Variants in AGPAT4 observed in about 807,000 individuals in gnomAD.
AGPAT4 encodes the protein 1-acylglycerol-3-phosphate O-acyltransferase 4.
A neutral mutation model predicts 48.0 loss-of-function variants in AGPAT4; 15 were observed. That is an observed-to-expected ratio of 0.31 (90% CI 0.21 to 0.48). The LOEUF (loss-of-function observed/expected upper bound fraction) is 0.48, where lower values mean the gene tolerates loss of function less well. Among genes scored for constraint, AGPAT4 ranks in the 20% least tolerant of loss-of-function variants. The probability of loss-of-function intolerance (pLI) is 0.99; values close to 1 mark genes in which losing one functional copy is unlikely to be tolerated. For missense variants in AGPAT4, 314 were observed against 482.5 expected (o/e 0.65, Z 3.27); for synonymous variants, 178 against 198.7 (o/e 0.90, Z 0.88).
intron 1 of AGPAT4, among the ~76,000 whole-genome samples, chr6:161,237,084 T>C (rs2115040292): frequency 1.3e-5 from 2 of 152,326 alleles, no homozygotes; most frequent in African/African-American, 4.8e-5. Flanking sequence ...TATTGGAATT[T>C]TCCAGAAGGC....
At position 161,176,967 on chromosome 6, in the gene AGPAT4, G is replaced by C. The variant is rs932602305; in HGVS notation, c.179-10550C>G. 2.0e-5 allele frequency among the ~76,000 whole-genome samples: 3 copies of C among 152,180 alleles called. No individual in the cohort carries two copies. In the South Asian group the frequency reaches 6.2e-4, roughly 32 times the overall value. On this transcript the variant is annotated intron_variant, in intron 2 of 8. Coordinates refer to ENST00000320285, the MANE Select transcript of AGPAT4 (RefSeq NM_020133.3). ...TTTTCTTTAAGAATGTTCAATATTG[G>C]CCCCCACTCTCTTCTGGCGTGTAGA...
intron 2 of AGPAT4, among the ~76,000 whole-genome samples, chr6:161,191,028 C>T (rs368963756): frequency 6.6e-6 from 1 of 152,150 alleles, no homozygotes; most frequent in Admixed American, 6.5e-5. Flanking sequence ...TCCTCAGCAC[C>T]CCTGCTTTGG....
rs980193114 is a variant in AGPAT4, at chr6:161,198,029, C to T, written c.179-31612G>A. Among the ~76,000 whole-genome samples, 2 of 152,106 alleles carry T rather than the reference C, an allele frequency of 1.3e-5. No individual in the cohort carries two copies. The highest frequency in any genetic ancestry group is 2.9e-5 in the Non-Finnish European group (2 of 68,014). ...CTGTTTCCCCCAACTCTTCTTCAGT[C>T]TCTCATACTTCATTCTTCCCACTCT... On this transcript the variant is annotated intron_variant, in intron 2 of 8. Transcript: ENST00000320285. The surrounding 1 kb of genome is among the most constrained non-coding windows in gnomAD (Gnocchi z 4.3).
At position 161,184,448 on chromosome 6, in the gene AGPAT4, T is replaced by C. The variant is rs990250194; in HGVS notation, c.179-18031A>G. Among the ~76,000 whole-genome samples, 3 of 151,438 alleles carry C rather than the reference T, an allele frequency of 2.0e-5. No individual in the cohort carries two copies. Among genetic ancestry groups the C allele is most frequent in the African/African-American group, 7.3e-5 (3 of 41,188 alleles). On this transcript the variant is annotated intron_variant, in intron 2 of 8. Transcript: ENST00000320285. The surrounding 1 kb of genome is among the most constrained non-coding windows in gnomAD (Gnocchi z 4.8). ...GGAGAGGAAGGTGTGTGGAGGGAGA[T>C]AGAGGGGCAGGTGATGGAGGAGTCT...
rs966005197 is a variant in AGPAT4, at chr6:161,217,486, C to G, written c.178+14550G>C. ...CCAAGCCCAAAAGACATGCTTCTCC[C>G]TGTGTGTCCCTGGGGGAGTCCATCA... On this transcript the variant is annotated intron_variant, in intron 2 of 8. Coordinates refer to ENST00000320285, the MANE Select transcript of AGPAT4 (RefSeq NM_020133.3). The surrounding 1 kb of genome is among the most constrained non-coding windows in gnomAD (Gnocchi z 4.9). Among the ~76,000 whole-genome samples the G allele has an allele frequency of 6.6e-6, 1 of 152,210 alleles. No individual in the cohort carries two copies. Among genetic ancestry groups the G allele is most frequent in the Admixed American group, 6.5e-5 (1 of 15,284 alleles).
intron 2 of AGPAT4, among the ~76,000 whole-genome samples, chr6:161,224,699 A>G (rs1163480263): frequency 6.6e-6 from 1 of 151,886 alleles, no homozygotes; most frequent in Non-Finnish European, 1.5e-5. Context: ...AGGGCAGGAC[A>G]GTAGCTGCCT....
At chr6:161,160,159 A>G (rs2114973079) in intron 3 of AGPAT4, 1 of 137,684 alleles carries the variant, frequency 7.3e-6, no homozygotes, top group South Asian at 2.3e-4. Flanking sequence ...ACGAGGTTTC[A>G]ACATGTTGGC....
Position 161,144,196 on chromosome 6 carries a change from G to C in AGPAT4, c.843+2328C>G, listed in dbSNP as rs775662452. Reference sequence around the variant, plus strand: ...TTGCTGCTCAGCGATCTTCTCGGAAGGGCAAAGGGCCAGCCTCCCAGGCCT... The same window carrying C: ...TTGCTGCTCAGCGATCTTCTCGGAACGGCAAAGGGCCAGCCTCCCAGGCCT... On this transcript the variant is annotated intron_variant, in intron 7 of 8. Coordinates refer to ENST00000320285, the MANE Select transcript of AGPAT4 (RefSeq NM_020133.3). The surrounding 1 kb of genome is among the most constrained non-coding windows in gnomAD (Gnocchi z 6.6). 1.9e-6 allele frequency: 1 copy of C among 533,160 alleles called. No individual in the cohort carries two copies. The highest frequency in any genetic ancestry group is 3.8e-6 in the Non-Finnish European group (1 of 259,914). The allele number at this position is 533,160 out of a possible 1,614,324, so 33.0% of individuals were successfully genotyped here.
chr6:161,230,705 T>C (rs111814952), intron 2 of AGPAT4, among the ~76,000 whole-genome samples: 11 of 152,224 alleles, frequency 7.2e-5, no homozygotes, highest in African/African-American at 2.4e-4. Flanking sequence ...TTGTATCATA[T>C]TGGATTGAAT....
chr6:161,150,242 C>T (rs561724420), intron 5 of AGPAT4, among the ~76,000 whole-genome samples: 2 of 152,276 alleles, frequency 1.3e-5, no homozygotes, highest in Non-Finnish European at 2.9e-5. Flanking sequence ...GAGCACCAGA[C>T]GGTAGGAGGA....
At chr6:161,162,821 C>T (rs1024364618) in intron 3 of AGPAT4, among the ~76,000 whole-genome samples, 1 of 152,238 alleles carries the variant, frequency 6.6e-6, no homozygotes, top group Non-Finnish European at 1.5e-5. Flanking sequence ...CGATCATGCT[C>T]TTATGCAACC....
chr6:161,166,010 G>C lies in AGPAT4; in HGVS notation c.348+238C>G, dbSNP rs371046846. 3.4e-5 allele frequency: 21 copies of C among 623,034 alleles called. 1 individual carries two copies. The African/African-American group carries it at 3.9e-4, about 11-fold the overall frequency. The allele number at this position is 623,034 out of a possible 1,614,324, so 38.6% of individuals were successfully genotyped here. A position where few individuals can be genotyped will look rare whatever the true frequency, so the allele number is the denominator to read the frequency against. On this transcript the variant is annotated intron_variant, in intron 3 of 8. Transcript: ENST00000320285. This position sits in a 1 kb window ranked among gnomAD's most constrained non-coding sequence, Gnocchi z 6.7. Reference sequence around the variant, plus strand: ...ATGTTGCTGTAAGGATTAAATAAATGAATCATATGTAAAATGGCCGGCAGG... The same window carrying C: ...ATGTTGCTGTAAGGATTAAATAAATCAATCATATGTAAAATGGCCGGCAGG...
At chr6:161,263,263 G>T (rs1327843985) in intron 1 of AGPAT4, among the ~76,000 whole-genome samples, 2 of 152,156 alleles carry the variant, frequency 1.3e-5, no homozygotes, top group African/African-American at 2.4e-5. Context: ...CAAACAACAG[G>T]CTGGGCGCAG....
In AGPAT4 at chr6:161,154,051, G is replaced by A. The variant is rs1230399977; in HGVS notation, c.510+98C>T. 1.3e-6 allele frequency: 2 copies of A among 1,516,660 alleles called. No homozygotes were observed. 94.0% of individuals were successfully genotyped at this position (1,516,660 alleles called of 1,614,324 possible). On this transcript the variant is annotated intron_variant, in intron 4 of 8. Transcript: ENST00000320285. This position sits in a 1 kb window ranked among gnomAD's most constrained non-coding sequence, Gnocchi z 7.8. ...CACACACAGCCCTGGAGTCGCACAG[G>A]ACCACACAGTCACGTGTCCTGTGGA...
Position 161,214,803 on chromosome 6 carries a change from T to C in AGPAT4, c.178+17233A>G, listed in dbSNP as rs1781600823. Among the ~76,000 whole-genome samples, 1 of 152,004 alleles carries C rather than the reference T, an allele frequency of 6.6e-6. No individual in the cohort carries two copies. On this transcript the variant is annotated intron_variant, in intron 2 of 8. Transcript: ENST00000320285. The surrounding 1 kb of genome is among the most constrained non-coding windows in gnomAD (Gnocchi z 5.4). ...AAATAAATAAATAATAAAATAAACA[T>C]AGAAAAGGCACAGCAAAAATACTGT...
At position 161,240,428 on chromosome 6, in the gene AGPAT4, A is replaced by C. The variant is rs1227494358; in HGVS notation, c.-89-8126T>G. On this transcript the variant is annotated intron_variant, in intron 1 of 8. Transcript: ENST00000320285. This position sits in a 1 kb window ranked among gnomAD's most constrained non-coding sequence, Gnocchi z 5.5. The stretch of plus-strand genomic sequence containing the variant: ...CAAGCTTTTTCCTCTATGCCACTGC[A>C]CTCTTCCTGAACAGTGATTAAGCGA... Among the ~76,000 whole-genome samples, 4 of 152,080 alleles carry C rather than the reference A, an allele frequency of 2.6e-5. No individual in the cohort carries two copies.
At chr6:161,239,151 C>T (rs759272984) in intron 1 of AGPAT4, among the ~76,000 whole-genome samples, 3 of 152,258 alleles carry the variant, frequency 2.0e-5, no homozygotes, top group East Asian at 3.9e-4. Context: ...TCCAGCACAG[C>T]GTTTGGTCGA....
At position 161,155,764 on chromosome 6, in the gene AGPAT4, G is replaced by A. The variant is rs556002872; in HGVS notation, c.349-1454C>T. The stretch of plus-strand genomic sequence containing the variant: ...CGTGGGTGGGTGAACCCACTGGTGC[G>A]GGTGTGAGGGCTTACCGTGTGCTGT... On this transcript the variant is annotated intron_variant, in intron 3 of 8. Coordinates refer to ENST00000320285, the MANE Select transcript of AGPAT4 (RefSeq NM_020133.3). This position sits in a 1 kb window ranked among gnomAD's most constrained non-coding sequence, Gnocchi z 5.8. Among the ~76,000 whole-genome samples the A allele has an allele frequency of 5.9e-5, 9 of 152,342 alleles. No individual in the cohort carries two copies. Among genetic ancestry groups the A allele is most frequent in the Non-Finnish European group, 1.0e-4 (7 of 68,022 alleles).
At position 161,229,875 on chromosome 6, in the gene AGPAT4, G is replaced by A. The variant is rs1054809389; in HGVS notation, c.178+2161C>T. Among the ~76,000 whole-genome samples, 2 of 152,148 alleles carry A rather than the reference G, an allele frequency of 1.3e-5. No homozygotes were observed. The highest frequency in any genetic ancestry group is 1.3e-4 in the Admixed American group (2 of 15,280). Reference sequence around the variant, plus strand: ...TGCTGGGGTGCATCTGGATGGAGGTGCTTCCTCTGGGGAAGAAGGCACAGA... The same window carrying A: ...TGCTGGGGTGCATCTGGATGGAGGTACTTCCTCTGGGGAAGAAGGCACAGA... On this transcript the variant is annotated intron_variant, in intron 2 of 8. Transcript: ENST00000320285. This position sits in a 1 kb window ranked among gnomAD's most constrained non-coding sequence, Gnocchi z 6.0.
Sources: gnomAD v4.1 joint callset for allele counts (sites outside exome capture counted in the v4.1 genomes callset) on GRCh38, gnomAD v4.1.1 for gene constraint, Gnocchi (gnomAD v3.1) non-coding constraint, MANE v1.5 for transcripts, NCBI Gene and HGNC (gene_info 2026-07-23, HGNC 2026-07-21) for gene names.